CST8: variants seen among roughly 807,000 people sequenced by gnomAD.
CST8 encodes cystatin 8, also known as cystatin-8.
In CST8, 20 loss-of-function variants were observed where a neutral mutation model predicts 11.8. The observed-to-expected ratio is 1.70, with a 90% CI of 1.20 to 2.47. The LOEUF (loss-of-function observed/expected upper bound fraction) is 2.47, where lower values mean the gene tolerates loss of function less well. Ranked by LOEUF, CST8 falls within the 30% of genes most tolerant of loss-of-function variation. The pLI is 0.00. For missense variants in CST8, 196 were observed against 167.2 expected (o/e 1.17, Z -0.95); for synonymous variants, 77 against 63.1 (o/e 1.22, Z -1.05).
the CST8 span, among the ~76,000 whole-genome samples, chr20:23,504,091 G>C: frequency 6.6e-6 from 1 of 152,208 alleles, no homozygotes; most frequent in Non-Finnish European, 1.5e-5. Flanking sequence ...AGGAATGTGA[G>C]TCCCCTTTAA....
the CST8 span, among the ~76,000 whole-genome samples, chr20:23,502,160 C>T: frequency 6.6e-6 from 1 of 152,202 alleles, no homozygotes; most frequent in African/African-American, 2.4e-5. Context: ...GAAACTAGCT[C>T]CACTGGTGTA....
chr20:23,500,543 A>G (rs1988158646), downstream of CST8, among the ~76,000 whole-genome samples: 1 of 152,060 alleles, frequency 6.6e-6, no homozygotes, highest in Admixed American at 6.5e-5. Context: ...GCCTGGGAGT[A>G]ATGTCCCATG....
At chr20:23,504,001 G>A in the CST8 span, among the ~76,000 whole-genome samples, 5 of 152,248 alleles carry the variant, frequency 3.3e-5, no homozygotes, top group African/African-American at 1.2e-4. Context: ...AGGAAGAGGG[G>A]AATTGGAGAC....
chr20:23,506,347 C>G, the CST8 span, among the ~76,000 whole-genome samples: 11 of 152,228 alleles, frequency 7.2e-5, no homozygotes, highest in South Asian at 2.3e-3. Flanking sequence ...TGCAGGCTTG[C>G]CTGTAGGTGT....
At chr20:23,506,719 G>A in the CST8 span, among the ~76,000 whole-genome samples, 2 of 152,030 alleles carry the variant, frequency 1.3e-5, no homozygotes, top group African/African-American at 4.8e-5. Context: ...CCAGGGAAAT[G>A]GTCCCTTCAT....
rs1421555956 is a variant in CST8, at chr20:23,491,348, C to CA, written c.-144+7dup. 2.1e-5 allele frequency: 8 copies of CA among 386,356 alleles called. No individual in the cohort carries two copies. The highest frequency in any genetic ancestry group is 1.2e-4 in the African/African-American group (6 of 48,940). 23.9% of individuals were successfully genotyped at this position (386,356 alleles called of 1,614,324 possible). A position where few individuals can be genotyped will look rare whatever the true frequency, so the allele number is the denominator to read the frequency against. The stretch of plus-strand genomic sequence containing the variant: ...CAAGAGTGACGCTCACAGGGGTAGG[C>CA]ATAGACACACTGGGGCCGAAGGGGA... On this transcript the variant is annotated splice_region_variant and intron_variant, in intron 1 of 3. Transcript: ENST00000246012.
chr20:23,496,538 G>A (rs921875537), downstream of CST8, among the ~76,000 whole-genome samples: 3 of 152,196 alleles, frequency 2.0e-5, no homozygotes, highest in African/African-American at 4.8e-5. Flanking sequence ...CAGGACTGGC[G>A]AGAAATTAAA....
chr20:23,499,457 C>T (rs919890355), downstream of CST8, among the ~76,000 whole-genome samples: 38 of 152,228 alleles, frequency 2.5e-4, 1 homozygote, highest in Admixed American at 6.5e-5. Flanking sequence ...TCTACACCAC[C>T]TTTCCCTGCC....
In CST8 at chr20:23,495,836, A is replaced by C; in HGVS notation, c.351A>C (p.Leu117Phe). ...IQENSKLKRK[L>F]SCSFLVGALP... ...GTTGTTGTCATCTTTTTCAGAAATT[A>C]AGCTGCAGCTTTTTGGTAGGAGCAC... is the stretch of plus-strand genomic sequence containing the variant. The change falls in exon 4 of 4, where the codon TTA becomes TTC. Residue 117 changes from leucine to phenylalanine, a missense_variant. Leu to Phe is a conservative substitution (Grantham distance 22). Transcript: ENST00000246012. 1 of 1,592,528 alleles carries C rather than the reference A, an allele frequency of 6.3e-7. No individual in the cohort carries two copies. Among genetic ancestry groups the C allele is most frequent in the Non-Finnish European group, 8.5e-7 (1 of 1,173,006 alleles).
chr20:23,501,102 G>A, the CST8 span, among the ~76,000 whole-genome samples: 4 of 152,278 alleles, frequency 2.6e-5, no homozygotes, highest in East Asian at 7.7e-4. Context: ...CAAGGGAGAT[G>A]CCAGTGATTT....
chr20:23,503,736 A>C, the CST8 span, among the ~76,000 whole-genome samples: 1 of 152,252 alleles, frequency 6.6e-6, no homozygotes, highest in East Asian at 1.9e-4. Flanking sequence ...GGAAATCAAC[A>C]AGGGCGGAAG....
At chr20:23,498,070 C>A (rs1482138654), downstream of CST8, among the ~76,000 whole-genome samples, 1 of 151,656 alleles carries the variant, frequency 6.6e-6, no homozygotes, top group Non-Finnish European at 1.5e-5. Context: ...GGAAAGGGGA[C>A]TTGGAGAAGG....
the CST8 span, among the ~76,000 whole-genome samples, chr20:23,501,033 T>C: frequency 1.3e-5 from 2 of 152,212 alleles, no homozygotes; most frequent in Non-Finnish European, 1.5e-5. Context: ...TGACTCGGTC[T>C]TTGTTATTGA....
chr20:23,496,486 A>T (rs190026925), downstream of CST8, among the ~76,000 whole-genome samples: 7 of 152,322 alleles, frequency 4.6e-5, no homozygotes, highest in Admixed American at 2.6e-4. Flanking sequence ...AGGTAATAAG[A>T]TATCACAAGG....
At chr20:23,506,413 T>C in the CST8 span, among the ~76,000 whole-genome samples, 1 of 152,192 alleles carries the variant, frequency 6.6e-6, no homozygotes, top group African/African-American at 2.4e-5. Context: ...ACCAGTTTTA[T>C]AGAAAAGCAT....
the CST8 span, among the ~76,000 whole-genome samples, chr20:23,502,536 C>T: frequency 3.8e-3 from 580 of 152,314 alleles, 4 homozygotes; most frequent in African/African-American, 0.012. Context: ...GATAAACCAT[C>T]CTAGTCCCTG....
chr20:23,492,567 AGGCCTGTG>A (rs1987920931), intron 2 of CST8, among the ~76,000 whole-genome samples: 1 of 152,228 alleles, frequency 6.6e-6, no homozygotes. Flanking sequence ...TCCCCTGGTC[AGGCCTGTG>A]TGAACCTGAG....
rs1568657126 is a variant in CST8, at chr20:23,495,955, A to G, written c.*41A>G. On this transcript the variant is annotated 3_prime_UTR_variant, in exon 4 of 4. Transcript: ENST00000246012. ...TCCCTCCAACCTCTGTGACTACTTT[A>G]TCCATGAAAATGAAGCAATGGCAGG... 1 of 1,468,176 alleles carries G rather than the reference A, an allele frequency of 6.8e-7. No individual in the cohort carries two copies. Among genetic ancestry groups the G allele is most frequent in the East Asian group, 2.3e-5 (1 of 43,640 alleles). 90.9% of individuals were successfully genotyped at this position (1,468,176 alleles called of 1,614,324 possible).
chr20:23,492,904 A>ACTT (rs548459370), intron 2 of CST8, 54 bp from the exon 3 acceptor site: 1 of 1,086,722 alleles, frequency 9.2e-7, no homozygotes. Context: ...TTTTGTCAAA[A>ACTT]CTTTAAAAAA....
Sources: gnomAD v4.1 joint callset for allele counts (sites outside exome capture counted in the v4.1 genomes callset) on GRCh38, gnomAD v4.1.1 for gene constraint, MANE v1.5 for transcripts, NCBI Gene and HGNC (gene_info 2026-07-23, HGNC 2026-07-21) for gene names.